Variants in ROBO2 observed in about 807,000 individuals in gnomAD.
ROBO2 encodes roundabout homolog 2.
In ROBO2, 53 loss-of-function variants were observed where a neutral mutation model predicts 160.8. The ratio of observed to expected loss-of-function variants is 0.33; its 90% CI spans 0.26 to 0.41. The LOEUF (loss-of-function observed/expected upper bound fraction) is 0.41. Ranked by LOEUF, ROBO2 falls within the 10% of genes least tolerant of loss-of-function variation. The pLI, the probability that ROBO2 is intolerant of heterozygous loss-of-function variation, is 1.00. For missense variants in ROBO2, 1,577 were observed against 1,722.4 expected (o/e 0.92, Z 1.49); for synonymous variants, 664 against 611.7 (o/e 1.09, Z -1.26).
chr3:76,241,818 G>T (rs1474091290), intron 2 of ROBO2, among the ~76,000 whole-genome samples: 1 of 152,108 alleles, frequency 6.6e-6, no homozygotes, highest in Non-Finnish European at 1.5e-5. Context: ...TGAATGATAG[G>T]AAATGTAATG....
At chr3:75,978,814 T>G (rs114118935) in intron 2 of ROBO2, among the ~76,000 whole-genome samples, 1 of 151,538 alleles carries the variant, frequency 6.6e-6, no homozygotes, top group Non-Finnish European at 1.5e-5. Flanking sequence ...TACAAACTTA[T>G]GACATCTTAT....
intron 2 of ROBO2, among the ~76,000 whole-genome samples, chr3:76,373,741 C>T (rs2076213457): frequency 6.6e-6 from 1 of 151,936 alleles, no homozygotes; most frequent in African/African-American, 2.4e-5. Context: ...AAACCACCCA[C>T]AAAGTTGGTG....
chr3:76,682,004 C>T (rs1447409126), intron 2 of ROBO2, among the ~76,000 whole-genome samples: 2 of 152,054 alleles, frequency 1.3e-5, no homozygotes, highest in African/African-American at 2.4e-5. Flanking sequence ...ATATGTGTGC[C>T]TGCAGTAGTG....
chr3:77,378,306 G>A (rs900520941), intron 2 of ROBO2, among the ~76,000 whole-genome samples: 3 of 152,140 alleles, frequency 2.0e-5, no homozygotes, highest in Non-Finnish European at 2.9e-5. Flanking sequence ...AGCCCTACCT[G>A]TATTAACTCT....
rs534581768 is a variant in ROBO2, at chr3:76,123,470, A to G, written c.109+185868A>G. Among the ~76,000 whole-genome samples the G allele has an allele frequency of 9.9e-5, 15 of 152,206 alleles. No individual in the cohort carries two copies. In the East Asian group the frequency reaches 1.5e-3, roughly 16 times the overall value. ...ATTTTTCCTTACTTCTCTCTAACCA[A>G]TAAGTTGAGCGACTTCATGGGATGT... On this transcript the variant is annotated intron_variant, in intron 2 of 26. Coordinates refer to the ROBO2 transcript ENST00000487694.
intron 2 of ROBO2, among the ~76,000 whole-genome samples, chr3:77,342,577 T>A (rs972977203): frequency 2.0e-5 from 3 of 152,136 alleles, no homozygotes; most frequent in African/African-American, 7.2e-5. Flanking sequence ...TCCTGCACCT[T>A]AAGGGGTGCT....
intron 2 of ROBO2, among the ~76,000 whole-genome samples, chr3:77,444,195 ATGTATT>A (rs1383385816): frequency 6.6e-6 from 1 of 152,182 alleles, no homozygotes. Flanking sequence ...CTTACTAAAC[ATGTATT>A]TGCATAAATA....
At chr3:76,561,985 A>C (rs1203789963) in intron 2 of ROBO2, among the ~76,000 whole-genome samples, 2 of 152,070 alleles carry the variant, frequency 1.3e-5, no homozygotes, top group African/African-American at 4.8e-5. Flanking sequence ...TTCCTCTTGT[A>C]TCTCAGGGAG....
Position 76,374,801 on chromosome 3 carries a change from A to G in ROBO2, c.109+437199A>G, listed in dbSNP as rs2076264411. ...AAGTGGTTTATTTTAGTTTTATTTT[A>G]TGTCTTGATTCCACTCAGCCTTAAG... On this transcript the variant is annotated intron_variant, in intron 2 of 26. Transcript: ENST00000487694. Among the ~76,000 whole-genome samples, 2 of 152,006 alleles carry G rather than the reference A, an allele frequency of 1.3e-5. 1 individual carries two copies. The highest frequency in any genetic ancestry group is 2.9e-5 in the Non-Finnish European group (2 of 67,958).
chr3:77,613,153 C>T (rs1321483152), intron 21 of ROBO2, among the ~76,000 whole-genome samples: 1 of 151,668 alleles, frequency 6.6e-6, no homozygotes, highest in Non-Finnish European at 1.5e-5. Context: ...CAAATTATAA[C>T]TTTTCTTATG....
chr3:76,415,579 A>G (rs2075722112), intron 2 of ROBO2, among the ~76,000 whole-genome samples: 1 of 152,232 alleles, frequency 6.6e-6, no homozygotes, highest in Non-Finnish European at 1.5e-5. Context: ...TCACTAAAGA[A>G]AAAGACTAGC....
intron 2 of ROBO2, among the ~76,000 whole-genome samples, chr3:76,144,854 A>G (rs1206907664): frequency 6.6e-6 from 1 of 151,936 alleles, no homozygotes; most frequent in African/African-American, 2.4e-5. Flanking sequence ...AGAAACTCTC[A>G]TTGCCCACCA....
chr3:77,336,109 A>G (rs1044293899), intron 2 of ROBO2, among the ~76,000 whole-genome samples: 2 of 152,182 alleles, frequency 1.3e-5, no homozygotes, highest in South Asian at 2.1e-4. Context: ...AGGATAATCA[A>G]TGGGCAGAAA....
chr3:76,620,375 A>G (rs1298208658), intron 2 of ROBO2, among the ~76,000 whole-genome samples: 2 of 152,176 alleles, frequency 1.3e-5, no homozygotes, highest in African/African-American at 4.8e-5. Flanking sequence ...TGCATTTTCT[A>G]TGGATAACGA....
chr3:77,283,746 T>C (rs1046183071), intron 2 of ROBO2, among the ~76,000 whole-genome samples: 1 of 152,150 alleles, frequency 6.6e-6, no homozygotes. Flanking sequence ...AAAATGAGAT[T>C]TTTAAAAAAG....
chr3:77,234,150 G>A (rs1463030385), intron 2 of ROBO2, among the ~76,000 whole-genome samples: 1 of 152,098 alleles, frequency 6.6e-6, no homozygotes, highest in African/African-American at 2.4e-5. Context: ...TGTCTGGGCT[G>A]GCTTAGGACA....
At chr3:75,939,568 A>G (rs1947948173) in intron 2 of ROBO2, among the ~76,000 whole-genome samples, 1 of 152,160 alleles carries the variant, frequency 6.6e-6, no homozygotes. Context: ...GATTCAAAGA[A>G]CAAAACAACT....
chr3:76,292,171 A>G (rs1356049963), intron 2 of ROBO2, among the ~76,000 whole-genome samples: 2 of 152,256 alleles, frequency 1.3e-5, no homozygotes, highest in East Asian at 3.9e-4. Context: ...TTGGCTGTCC[A>G]CAGCTCTCTG....
At chr3:77,573,921 C>T (rs1216177748) in intron 13 of ROBO2, among the ~76,000 whole-genome samples, 1 of 151,852 alleles carries the variant, frequency 6.6e-6, no homozygotes, top group Non-Finnish European at 1.5e-5. Flanking sequence ...ACCTGGACTC[C>T]ATCTTCTCAC....
Sources: allele counts gnomAD v4.1 joint callset (sites outside exome capture counted in the v4.1 genomes callset), GRCh38; gene constraint gnomAD v4.1.1; transcripts MANE v1.5; gene names NCBI Gene and HGNC (gene_info 2026-07-23, HGNC 2026-07-21).